The following BCL7A variants were observed in gnomAD, a reference collection of about 807,000 sequenced individuals.
The protein encoded by BCL7A is B-cell CLL/lymphoma 7 protein family member A.
Under a neutral mutation model 28.4 loss-of-function variants are expected in BCL7A, and 11 were observed. That is an observed-to-expected ratio of 0.39 (90% CI 0.24 to 0.64). The LOEUF is 0.64. BCL7A is among the 30% of genes least tolerant of loss of function. BCL7A has a pLI of 0.50. For synonymous variants in BCL7A, 123 were observed against 103.3 expected, an observed-to-expected ratio of 1.19 and a Z score of -1.15; for missense variants, 222 against 274.8, an observed-to-expected ratio of 0.81 and a Z score of 1.36.
chr12:122,028,412 CTT>C (rs79495913), intron 1 of BCL7A, among the ~76,000 whole-genome samples: 2 of 145,000 alleles, frequency 1.4e-5, no homozygotes, highest in South Asian at 2.2e-4. Context: ...AAGTCAATTA[CTT>C]TTTTTTTTTT....
At chr12:122,038,632 ACG>A (rs927442020) in intron 3 of BCL7A, among the ~76,000 whole-genome samples, 26 of 151,800 alleles carry the variant, frequency 1.7e-4, no homozygotes, top group African/African-American at 5.6e-4. Context: ...GGGAGACCCC[ACG>A]CCCGACTCAG....
Position 122,059,994 on chromosome 12 carries a change from C to CCCACCA in BCL7A, c.*840_*845dup, listed in dbSNP as rs1002349230. On this transcript the variant is annotated 3_prime_UTR_variant, in exon 6 of 6. Transcript: ENST00000261822. The surrounding 1 kb of genome is among the most constrained non-coding windows in gnomAD (Gnocchi z 4.0). ...TTTCTGGCACTTCCTCTCTATTGCC[C>CCCACCA]CCACCACCACCACCCCCATCACTGC... 4.3e-6 allele frequency: 1 copy of CCCACCA among 233,244 alleles called. No homozygotes were observed. The highest frequency in any genetic ancestry group is 5.6e-5 in the Admixed American group (1 of 17,720). 14.4% of individuals were successfully genotyped at this position (233,244 alleles called of 1,614,324 possible).
rs939158656 is a variant in BCL7A at position 122,061,426 on chromosome 12, G to A, written c.*2263G>A. 3 of 231,710 alleles carry A rather than the reference G, an allele frequency of 1.3e-5. No individual in the cohort carries two copies. Among genetic ancestry groups the A allele is most frequent in the Non-Finnish European group, 2.6e-5 (3 of 117,184 alleles). 14.4% of individuals were successfully genotyped at this position (231,710 alleles called of 1,614,324 possible). A position where few individuals can be genotyped will look rare whatever the true frequency, so the allele number is the denominator to read the frequency against. On this transcript the variant is annotated 3_prime_UTR_variant, in exon 6 of 6. Coordinates refer to ENST00000261822, the MANE Select transcript of BCL7A (RefSeq NM_001024808.3). ...TTGGGACCAGCTGGGCCCCACCACG[G>A]CCACGCCAGGCAAAGCGCCAGCAGC...
chr12:122,037,117 G>C (rs762642404), intron 3 of BCL7A, among the ~76,000 whole-genome samples: 1 of 152,158 alleles, frequency 6.6e-6, no homozygotes, highest in Non-Finnish European at 1.5e-5. Flanking sequence ...GTGCTCCCTC[G>C]AGGCAAGGGC....
At chr12:122,035,095 G>C (rs944665821) in intron 2 of BCL7A, among the ~76,000 whole-genome samples, 4 of 152,168 alleles carry the variant, frequency 2.6e-5, no homozygotes, top group Admixed American at 6.5e-5. Flanking sequence ...CCGGAGCTGG[G>C]CCAGCCTCAG....
rs1951912298 is a variant in BCL7A, at chr12:122,060,504, G to A, written c.*1341G>A. On this transcript the variant is annotated 3_prime_UTR_variant, in exon 6 of 6. Coordinates refer to ENST00000261822, the MANE Select transcript of BCL7A (RefSeq NM_001024808.3). ...CTCACTGAACGGAGACGCCCCCTTG[G>A]ACGAACTGCCTAATCGTTTGGTTCT... The A allele has an allele frequency of 4.3e-6, 1 of 233,238 alleles. No homozygotes were observed. The highest frequency in any genetic ancestry group is 8.5e-6 in the Non-Finnish European group (1 of 117,848). The allele number at this position is 233,238 out of a possible 1,614,324, so 14.4% of individuals were successfully genotyped here. A position where few individuals can be genotyped will look rare whatever the true frequency, so the allele number is the denominator to read the frequency against.
At chr12:122,040,954 C>G (rs10840644) in intron 3 of BCL7A, among the ~76,000 whole-genome samples, 45 of 151,856 alleles carry the variant, frequency 3.0e-4, no homozygotes, top group Non-Finnish European at 5.4e-4. Flanking sequence ...CAGCCTCTTG[C>G]GCGTGTGCTT....
intron 4 of BCL7A, among the ~76,000 whole-genome samples, chr12:122,054,483 G>C (rs1380367230): frequency 6.6e-6 from 1 of 152,218 alleles, no homozygotes; most frequent in Non-Finnish European, 1.5e-5. Flanking sequence ...TTGTTGGTGC[G>C]CACTGCGGCC....
chr12:122,038,431 C>CACAAAAAAA lies in BCL7A; in HGVS notation c.271+3005_271+3006insCAAAAAAAA, dbSNP rs1883900095. ...TGGGCAAAGGAGCGAGACTCTGCCT[C>CACAAAAAAA]AAAAAAAAAAAAAAAAAAAAAAAAA... On this transcript the variant is annotated intron_variant, in intron 3 of 5. Coordinates refer to ENST00000261822, the MANE Select transcript of BCL7A (RefSeq NM_001024808.3). Among the ~76,000 whole-genome samples the CACAAAAAAA allele has an allele frequency of 1.8e-3, 59 of 33,536 alleles. 11 individuals carry two copies. The highest frequency in any genetic ancestry group is 4.1e-3 in the African/African-American group (56 of 13,522). 22.0% of individuals were successfully genotyped at this position (33,536 alleles called of 152,430 possible).
intron 3 of BCL7A, among the ~76,000 whole-genome samples, chr12:122,036,417 C>CA (rs564330881): frequency 2.0e-5 from 3 of 151,854 alleles, no homozygotes; most frequent in South Asian, 4.2e-4. Flanking sequence ...CTTCAAAAGG[C>CA]AAAAAAACCC....
At chr12:122,022,233 G>A in intron 1 of BCL7A, 50 bp downstream of exon 1, 1 of 1,305,018 alleles carries the variant, frequency 7.7e-7, no homozygotes, top group Non-Finnish European at 1.0e-6. Flanking sequence ...CCCCGAGCCC[G>A]AGCGCGGCTC....
Position 122,059,027 on chromosome 12 carries a change from C to A in BCL7A, c.562-65C>A. 7.0e-7 allele frequency: 1 copy of A among 1,426,274 alleles called. No homozygotes were observed. The highest frequency in any genetic ancestry group is 9.9e-7 in the Non-Finnish European group (1 of 1,011,282). The allele number at this position is 1,426,274 out of a possible 1,614,324, so 88.4% of individuals were successfully genotyped here. A position where few individuals can be genotyped will look rare whatever the true frequency, so the allele number is the denominator to read the frequency against. ...TCCTTCCTTGGCTGACCTTCGGCCT[C>A]ACGCCTGGCCTAACTTGCTCTCCTG... is the stretch of plus-strand genomic sequence containing the variant. On this transcript the variant is annotated intron_variant, in intron 5 of 5. Transcript: ENST00000261822. The surrounding 1 kb of genome is among the most constrained non-coding windows in gnomAD (Gnocchi z 4.0).
At chr12:122,032,309 C>T (rs548321087) in intron 2 of BCL7A, among the ~76,000 whole-genome samples, 1 of 152,322 alleles carries the variant, frequency 6.6e-6, no homozygotes, top group Non-Finnish European at 1.5e-5. Context: ...AGGGACTGAG[C>T]CTTGGTCTCT....
intron 4 of BCL7A, among the ~76,000 whole-genome samples, chr12:122,046,609 C>G (rs994341846): frequency 6.6e-6 from 1 of 152,138 alleles, no homozygotes; most frequent in African/African-American, 2.4e-5. Flanking sequence ...CTATCCAGCC[C>G]GTGGTGTGAG....
chr12:122,059,438 C>G lies in BCL7A; in HGVS notation c.*275C>G. The G allele has an allele frequency of 2.8e-6, 1 of 352,352 alleles. No homozygotes were observed. Among genetic ancestry groups the G allele is most frequent in the Non-Finnish European group, 5.3e-6 (1 of 190,414 alleles). 21.8% of individuals were successfully genotyped at this position (352,352 alleles called of 1,614,324 possible). ...GAGTGTCTGCACACTGTCTCGGAAG[C>G]CAGGATTCCATTTGTGTTGCTGCTG... is the stretch of plus-strand genomic sequence containing the variant. On this transcript the variant is annotated 3_prime_UTR_variant, in exon 6 of 6. Transcript: ENST00000261822. The surrounding 1 kb of genome is among the most constrained non-coding windows in gnomAD (Gnocchi z 4.0).
At position 122,060,548 on chromosome 12, in the gene BCL7A, A is replaced by G. The variant is rs1163171612; in HGVS notation, c.*1385A>G. The G allele has an allele frequency of 4.3e-6, 1 of 231,950 alleles. No homozygotes were observed. Among genetic ancestry groups the G allele is most frequent in the African/African-American group, 2.2e-5 (1 of 45,194 alleles). The allele number at this position is 231,950 out of a possible 1,614,324, so 14.4% of individuals were successfully genotyped here. A position where few individuals can be genotyped will look rare whatever the true frequency, so the allele number is the denominator to read the frequency against. ...TGGTTCTGAGGCCTGGTTTGCTCTT[A>G]ATTAATATATGAACTCCTCAGACCT... is the stretch of plus-strand genomic sequence containing the variant. On this transcript the variant is annotated 3_prime_UTR_variant, in exon 6 of 6. Coordinates refer to ENST00000261822, the MANE Select transcript of BCL7A (RefSeq NM_001024808.3).
chr12:122,025,362 A>C (rs2135837654), intron 1 of BCL7A, among the ~76,000 whole-genome samples: 1 of 152,220 alleles, frequency 6.6e-6, no homozygotes, highest in African/African-American at 2.4e-5. Flanking sequence ...GCGGTGGCTC[A>C]CGCCTGTAAT....
chr12:122,047,503 G>A (rs927104828), intron 4 of BCL7A, among the ~76,000 whole-genome samples: 38 of 151,526 alleles, frequency 2.5e-4, no homozygotes, highest in African/African-American at 8.7e-4. Context: ...CAGCCTGGGC[G>A]ACAGAGCGAG....
intron 1 of BCL7A, among the ~76,000 whole-genome samples, chr12:122,023,525 A>G (rs1593019946): frequency 1.3e-5 from 2 of 152,282 alleles, no homozygotes; most frequent in Admixed American, 1.3e-4. Context: ...GAAAATCAAT[A>G]AAGTCCACGT....
Sources: gnomAD v4.1 joint callset for allele counts (sites outside exome capture counted in the v4.1 genomes callset) on GRCh38, gnomAD v4.1.1 for gene constraint, Gnocchi (gnomAD v3.1) non-coding constraint, MANE v1.5 for transcripts, NCBI Gene and HGNC (gene_info 2026-07-23, HGNC 2026-07-21) for gene names.